FHIT: variants seen among roughly 807,000 people sequenced by gnomAD.
FHIT encodes fragile histidine triad diadenosine triphosphatase.
Under a neutral mutation model 17.9 loss-of-function variants are expected in FHIT, and 19 were observed. The observed-to-expected ratio is 1.06, with a 90% confidence interval of 0.74 to 1.56. The LOEUF (loss-of-function observed/expected upper bound fraction) is 1.56. Ranked by LOEUF, FHIT falls within the 40% of genes most tolerant of loss-of-function variation. FHIT has a pLI of 0.00. For synonymous variants in FHIT, 81 were observed against 69.7 expected, an observed-to-expected ratio of 1.16 and a Z score of -0.81; for missense variants, 248 against 189.2, an observed-to-expected ratio of 1.31 and a Z score of -1.82.
At chr3:59,827,318 G>A (rs1316441004) in intron 8 of FHIT, among the ~76,000 whole-genome samples, 2 of 152,142 alleles carry the variant, frequency 1.3e-5, no homozygotes, top group Non-Finnish European at 1.5e-5. Flanking sequence ...AATAACACAG[G>A]CCAAGAGAAT....
At chr3:60,594,000 G>C (rs1348786371) in intron 4 of FHIT, among the ~76,000 whole-genome samples, 1 of 152,088 alleles carries the variant, frequency 6.6e-6, no homozygotes, top group African/African-American at 2.4e-5. Context: ...GTATATGAAA[G>C]TAATTAGGCT....
At chr3:61,169,766 G>A (rs1239424778) in intron 2 of FHIT, among the ~76,000 whole-genome samples, 1 of 152,188 alleles carries the variant, frequency 6.6e-6, no homozygotes, top group Non-Finnish European at 1.5e-5. Context: ...AAGGACTATT[G>A]CAATAGCAGT....
At chr3:60,939,917 T>C (rs2085759853) in intron 3 of FHIT, among the ~76,000 whole-genome samples, 1 of 152,156 alleles carries the variant, frequency 6.6e-6, no homozygotes, top group African/African-American at 2.4e-5. Context: ...TTTCCATTTT[T>C]AATCATGATC....
chr3:60,990,505 A>G (rs2030093684), intron 3 of FHIT, among the ~76,000 whole-genome samples: 1 of 152,220 alleles, frequency 6.6e-6, no homozygotes, highest in Non-Finnish European at 1.5e-5. Flanking sequence ...CCAATATAAA[A>G]ATATGTGTTA....
At chr3:61,090,337 T>A (rs994732259) in intron 2 of FHIT, among the ~76,000 whole-genome samples, 4 of 152,214 alleles carry the variant, frequency 2.6e-5, no homozygotes, top group Admixed American at 2.6e-4. Flanking sequence ...GTTATGAAAG[T>A]TGCTTTTGTT....
chr3:60,081,230 GCTGGGACTC>G (rs1703269695), intron 5 of FHIT, among the ~76,000 whole-genome samples: 1 of 152,082 alleles, frequency 6.6e-6, no homozygotes, highest in Non-Finnish European at 1.5e-5. Context: ...AATGTCTGTG[GCTGGGACTC>G]TAAGATTTGC....
intron 8 of FHIT, among the ~76,000 whole-genome samples, chr3:59,835,474 T>G (rs1161679625): frequency 6.6e-6 from 1 of 152,138 alleles, no homozygotes; most frequent in Admixed American, 6.6e-5. Flanking sequence ...AAGAAGGCCT[T>G]TATGCTGAAG....
In FHIT at chr3:59,846,667, G is replaced by T. The variant is rs182367749; in HGVS notation, c.348+75679C>A. 1.2e-4 allele frequency among the ~76,000 whole-genome samples: 19 copies of T among 152,084 alleles called. 1 individual carries two copies. Among genetic ancestry groups the T allele is most frequent in the Admixed American group, 4.6e-4 (7 of 15,256 alleles). Reference sequence around the variant, plus strand: ...TTACAAATATATTTACCAATACAAAGACCTTTATTTCTTTATATAGCTTCA... The same window carrying T: ...TTACAAATATATTTACCAATACAAATACCTTTATTTCTTTATATAGCTTCA... On this transcript the variant is annotated intron_variant, in intron 8 of 9. Coordinates refer to ENST00000492590, the MANE Select transcript of FHIT (RefSeq NM_002012.4).
chr3:60,359,277 C>CTTTTTTTTTTTTTTTTTTTTTTTTTTTT, intron 5 of FHIT, among the ~76,000 whole-genome samples: 1 of 109,910 alleles, frequency 9.1e-6, no homozygotes. Context: ...ATGAAAATAT[C>CTTTTTTTTTTTTTTTTTTTTTTTTTTTT]TTTTTTTTTT....
intron 5 of FHIT, among the ~76,000 whole-genome samples, chr3:60,458,333 A>G (rs1188986003): frequency 6.6e-6 from 1 of 151,930 alleles, no homozygotes; most frequent in Admixed American, 6.6e-5. Context: ...TGGCAAGGAC[A>G]AAAAACCAAA....
intron 8 of FHIT, among the ~76,000 whole-genome samples, chr3:59,781,955 T>A (rs1232301370): frequency 1.3e-5 from 2 of 152,166 alleles, no homozygotes. Flanking sequence ...ATGCTCTAGA[T>A]TTGCATTTGT....
At chr3:60,478,888 T>A (rs190356915) in intron 5 of FHIT, among the ~76,000 whole-genome samples, 27 of 152,312 alleles carry the variant, frequency 1.8e-4, no homozygotes, top group Non-Finnish European at 2.5e-4. Flanking sequence ...CCAAGCCACA[T>A]AGCACAGAGT....
chr3:60,463,804 G>A (rs988570179), intron 5 of FHIT, among the ~76,000 whole-genome samples: 2 of 152,190 alleles, frequency 1.3e-5, no homozygotes, highest in African/African-American at 2.4e-5. Context: ...GTAAAATGGA[G>A]ACAATCACAA....
At chr3:60,664,760 T>C (rs1435930575) in intron 4 of FHIT, among the ~76,000 whole-genome samples, 2 of 151,448 alleles carry the variant, frequency 1.3e-5, no homozygotes, top group Middle Eastern at 3.2e-3. Flanking sequence ...TCGTTGAATA[T>C]ATGAGTGTAA....
At chr3:60,666,627 C>A (rs1238038717) in intron 4 of FHIT, among the ~76,000 whole-genome samples, 4 of 152,214 alleles carry the variant, frequency 2.6e-5, no homozygotes, top group African/African-American at 9.6e-5. Flanking sequence ...CTGTCTTTCA[C>A]CAAATTAGTT....
At chr3:60,512,796 C>T (rs943979679) in intron 5 of FHIT, among the ~76,000 whole-genome samples, 7 of 152,088 alleles carry the variant, frequency 4.6e-5, no homozygotes, top group African/African-American at 1.4e-4. Flanking sequence ...GTTGCATGGG[C>T]CATATGGCTT....
At chr3:61,059,743 G>T (rs1032540679) in intron 2 of FHIT, among the ~76,000 whole-genome samples, 12 of 152,146 alleles carry the variant, frequency 7.9e-5, no homozygotes, top group African/African-American at 2.7e-4. Context: ...TGCACTACAG[G>T]TCCTCAACGT....
intron 3 of FHIT, among the ~76,000 whole-genome samples, chr3:60,965,364 C>T (rs556886137): frequency 5.6e-4 from 86 of 152,260 alleles, no homozygotes; most frequent in Middle Eastern, 3.4e-3. Flanking sequence ...AGCTTCTTTG[C>T]GATGGGTTCG....
At chr3:59,884,120 A>C (rs1703521797) in intron 8 of FHIT, among the ~76,000 whole-genome samples, 1 of 152,212 alleles carries the variant, frequency 6.6e-6, no homozygotes, top group African/African-American at 2.4e-5. Flanking sequence ...TTTATTCCTT[A>C]TCTGAATTTT....
Sources: gnomAD v4.1 joint callset for allele counts (sites outside exome capture counted in the v4.1 genomes callset) on GRCh38, gnomAD v4.1.1 for gene constraint, MANE v1.5 for transcripts, NCBI Gene and HGNC (gene_info 2026-07-23, HGNC 2026-07-21) for gene names.